Variants in CORO2A observed in about 807,000 individuals in gnomAD.
The protein encoded by CORO2A is coronin-2A.
Under a neutral mutation model 62.4 loss-of-function variants are expected in CORO2A, and 47 were observed. That is an observed-to-expected ratio of 0.75 (90% confidence interval 0.60 to 0.96). The LOEUF (loss-of-function observed/expected upper bound fraction) is 0.96, where lower values mean the gene tolerates loss of function less well. Ranked by LOEUF, CORO2A falls within the 40% of genes least tolerant of loss-of-function variation. The probability of loss-of-function intolerance (pLI) is 0.00; values close to 1 mark genes in which losing one functional copy is unlikely to be tolerated. For missense variants in CORO2A, 610 were observed against 684.1 expected, an observed-to-expected ratio of 0.89 and a Z score of 1.21; for synonymous variants, 273 against 268.9, an observed-to-expected ratio of 1.02 and a Z score of -0.15.
At chr9:98,126,476 C>T (rs1827320265) in intron 11 of CORO2A, 73 bp downstream of exon 11, 1 of 1,540,382 alleles carries the variant, frequency 6.5e-7, no homozygotes, top group Admixed American at 1.9e-5. Flanking sequence ...TTTCTCCCTT[C>T]TTCTCAGCCT....
At chr9:98,149,403 T>A (rs1279701342) in intron 2 of CORO2A, among the ~76,000 whole-genome samples, 3 of 152,146 alleles carry the variant, frequency 2.0e-5, no homozygotes, top group Non-Finnish European at 4.4e-5. Flanking sequence ...GGCTCCTGGG[T>A]GTGTTAGTCC....
At chr9:98,152,471 G>A (rs1450762983) in intron 2 of CORO2A, among the ~76,000 whole-genome samples, 1 of 151,788 alleles carries the variant, frequency 6.6e-6, no homozygotes, top group Non-Finnish European at 1.5e-5. Context: ...TGCATTTTTT[G>A]TAGAGATGGG....
intron 9 of CORO2A, 60 bp from the exon 10 acceptor site, chr9:98,128,320 G>A (rs1827357507): frequency 7.3e-7 from 1 of 1,377,212 alleles, no homozygotes; most frequent in South Asian, 1.2e-5. Context: ...GATGGGAAAG[G>A]CCCTTAGACC....
chr9:98,132,949 A>C (rs1181039008), intron 5 of CORO2A, 89 bp downstream of exon 5: 6 of 1,443,818 alleles, frequency 4.2e-6, no homozygotes, highest in Non-Finnish European at 5.7e-6. Context: ...CGCTGACAGC[A>C]TCACTGTCCT....
intron 1 of CORO2A, among the ~76,000 whole-genome samples, chr9:98,182,235 A>G (rs1050536260): frequency 6.6e-5 from 10 of 152,222 alleles, no homozygotes; most frequent in Non-Finnish European, 1.0e-4. Context: ...GGTCCTAGTC[A>G]AAAAATTACA....
intron 1 of CORO2A, among the ~76,000 whole-genome samples, chr9:98,186,737 G>A (rs1480915038): frequency 2.6e-5 from 4 of 152,142 alleles, no homozygotes; most frequent in African/African-American, 7.2e-5. Context: ...TGGGGATTGG[G>A]TTAACGTATA....
At chr9:98,164,997 C>A (rs904185409) in intron 1 of CORO2A, among the ~76,000 whole-genome samples, 5 of 152,114 alleles carry the variant, frequency 3.3e-5, no homozygotes, top group African/African-American at 1.2e-4. Flanking sequence ...GAGATAGGGC[C>A]TCACTTTGCT....
chr9:98,148,817 AAT>A (rs894156016), intron 2 of CORO2A, among the ~76,000 whole-genome samples: 2 of 152,142 alleles, frequency 1.3e-5, no homozygotes, highest in Non-Finnish European at 2.9e-5. Context: ...CACAAAAAAA[AAT>A]GATCAATACT....
chr9:98,165,405 C>T (rs1450208982), intron 1 of CORO2A, among the ~76,000 whole-genome samples: 1 of 152,170 alleles, frequency 6.6e-6, no homozygotes, highest in East Asian at 1.9e-4. Context: ...ATCCAGGAAG[C>T]TTTATAGAGA....
chr9:98,154,895 C>T (rs1463916140), intron 2 of CORO2A, among the ~76,000 whole-genome samples: 1 of 152,204 alleles, frequency 6.6e-6, no homozygotes, highest in East Asian at 1.9e-4. Flanking sequence ...CTACTATGCA[C>T]ATTCTTATGC....
Position 98,124,513 on chromosome 9 carries a change from C to A in CORO2A, c.*261G>T. 6.8e-6 allele frequency: 2 copies of A among 295,256 alleles called. No individual in the cohort carries two copies. Among genetic ancestry groups the A allele is most frequent in the Non-Finnish European group, 1.3e-5 (2 of 159,460 alleles). The allele number at this position is 295,256 out of a possible 1,614,324, so 18.3% of individuals were successfully genotyped here. A position where few individuals can be genotyped will look rare whatever the true frequency, so the allele number is the denominator to read the frequency against. ...GTTCTTTCCTCTTGAGAAGTTACAG[C>A]TCATCATGGGCCCTTAATAACAGAA... On this transcript the variant is annotated 3_prime_UTR_variant, in exon 12 of 12. Coordinates refer to ENST00000375077, the MANE Select transcript of CORO2A (RefSeq NM_052820.4).
At chr9:98,156,744 C>A (rs964338487) in intron 2 of CORO2A, among the ~76,000 whole-genome samples, 2 of 152,132 alleles carry the variant, frequency 1.3e-5, no homozygotes, top group Non-Finnish European at 2.9e-5. Context: ...GCTTTGTGAT[C>A]TTTGTGGATT....
intron 1 of CORO2A, among the ~76,000 whole-genome samples, chr9:98,190,453 T>C (rs1828292667): frequency 6.6e-6 from 1 of 152,098 alleles, no homozygotes; most frequent in Non-Finnish European, 1.5e-5. Flanking sequence ...ATGTTATGTG[T>C]TTTTTTGGAG....
At chr9:98,157,710 T>A (rs370613920) in intron 1 of CORO2A, 50 bp from the exon 2 acceptor site, 2 of 1,522,234 alleles carry the variant, frequency 1.3e-6, no homozygotes, top group East Asian at 4.5e-5. Flanking sequence ...GCCCTGATCA[T>A]GGGACACACA....
chr9:98,189,808 T>C (rs1025235302), intron 1 of CORO2A, among the ~76,000 whole-genome samples: 4 of 152,250 alleles, frequency 2.6e-5, no homozygotes, highest in African/African-American at 9.6e-5. Context: ...CACTATTTTT[T>C]AAGCTGTATT....
intron 2 of CORO2A, among the ~76,000 whole-genome samples, chr9:98,141,334 A>G (rs912104197): frequency 7.7e-6 from 1 of 130,318 alleles, no homozygotes; most frequent in Admixed American, 7.4e-5. Flanking sequence ...CCAGGTCTCC[A>G]TGGGACCACT....
intron 2 of CORO2A, among the ~76,000 whole-genome samples, chr9:98,143,830 G>C (rs1827606969): frequency 6.6e-6 from 1 of 152,220 alleles, no homozygotes; most frequent in Non-Finnish European, 1.5e-5. Context: ...CTCCATGAAT[G>C]AACTAGTGGC....
At chr9:98,192,350 G>A (rs1321857425) in intron 1 of CORO2A, among the ~76,000 whole-genome samples, 1 of 152,246 alleles carries the variant, frequency 6.6e-6, no homozygotes, top group African/African-American at 2.4e-5. Context: ...GGCCACCAAT[G>A]AGCAAGCTAT....
intron 2 of CORO2A, among the ~76,000 whole-genome samples, chr9:98,153,355 C>G (rs1827753459): frequency 6.6e-6 from 1 of 151,094 alleles, no homozygotes; most frequent in Admixed American, 6.6e-5. Flanking sequence ...CCCGTCTGGG[C>G]CTGCCAAGGT....
Sources: allele counts gnomAD v4.1 joint callset (sites outside exome capture counted in the v4.1 genomes callset), GRCh38; gene constraint gnomAD v4.1.1; transcripts MANE v1.5; gene names NCBI Gene and HGNC (gene_info 2026-07-23, HGNC 2026-07-21).